GRSF1: variants seen among roughly 807,000 people sequenced by gnomAD.
GRSF1 encodes G-rich RNA sequence binding factor 1.
Under a neutral mutation model 51.1 loss-of-function variants are expected in GRSF1, and 50 were observed. The ratio of observed to expected loss-of-function variants is 0.98; its 90% CI spans 0.78 to 1.24. GRSF1 has a LOEUF of 1.24. Ranked by LOEUF, GRSF1 falls within the 50% of genes most tolerant of loss-of-function variation. The probability of loss-of-function intolerance (pLI) is 0.00; values close to 1 mark genes in which losing one functional copy is unlikely to be tolerated. For missense variants in GRSF1, 700 were observed against 639.7 expected, an observed-to-expected ratio of 1.09 and a Z score of -1.02; for synonymous variants, 293 against 253.3, an observed-to-expected ratio of 1.16 and a Z score of -1.49.
In GRSF1 at chr4:70,825,371, T is replaced by C. The variant is rs964674991; in HGVS notation, c.1318A>G (p.Thr440Ala). Reference sequence around the variant, plus strand: ...TCAAAGTGCACATCAGCTTCTCCAGTGGCCTTCCCACTGGAGCTGTATTCC... The same window carrying C: ...TCAAAGTGCACATCAGCTTCTCCAGCGGCCTTCCCACTGGAGCTGTATTCC... The part of the protein sequence containing the change: ...TMEYSSSGKA[T>A]GEADVHFETH... Residue 440 changes from threonine to alanine, a missense_variant, in exon 8 of 10, where the codon ACT (threonine) becomes GCT (alanine). Physicochemically the swap from Thr to Ala is moderately conservative, Grantham distance 58. Coordinates refer to ENST00000254799, the MANE Select transcript of GRSF1 (RefSeq NM_002092.4). 1.2e-6 allele frequency: 2 copies of C among 1,612,024 alleles called. No individual in the cohort carries two copies. Among genetic ancestry groups the C allele is most frequent in the Admixed American group, 1.7e-5 (1 of 59,948 alleles).
In GRSF1 at chr4:70,819,374, ACTG is replaced by A. The variant is rs1282055619; in HGVS notation, c.*1510_*1512del. 1 of 152,170 alleles carries A rather than the reference ACTG, an allele frequency of 6.6e-6. No homozygotes were observed. The highest frequency in any genetic ancestry group is 1.5e-5 in the Non-Finnish European group (1 of 68,022). 9.4% of individuals were successfully genotyped at this position (152,170 alleles called of 1,614,324 possible). ...AACGCATTTCCATCTAGGCAGTACT[ACTG>A]ATGATGTTAAGCTGGTTAAGTCATG... On this transcript the variant is annotated 3_prime_UTR_variant, in exon 10 of 10. Coordinates refer to ENST00000254799, the MANE Select transcript of GRSF1 (RefSeq NM_002092.4).
chr4:70,836,660 G>A lies in GRSF1; in HGVS notation c.358-346C>T, dbSNP rs116508933. ...ATTGCCCCTACACACAGTGTTTGCC[G>A]CCCTCATCTGAAATAGCTATCTAGA... On this transcript the variant is annotated intron_variant, in intron 1 of 9. Coordinates refer to ENST00000254799, the MANE Select transcript of GRSF1 (RefSeq NM_002092.4). Among the ~76,000 whole-genome samples the A allele has an allele frequency of 8.2e-3, 1,242 of 152,128 alleles. 16 individuals carry two copies. Among genetic ancestry groups the A allele is most frequent in the African/African-American group, 0.028 (1,180 of 41,490 alleles).
chr4:70,836,494 T>C (rs1734214483), intron 1 of GRSF1, among the ~76,000 whole-genome samples, 180 bp from the exon 2 acceptor site: 1 of 152,234 alleles, frequency 6.6e-6, no homozygotes. Flanking sequence ...CCAAAAGCCA[T>C]AAGCAGGTAT....
At chr4:70,838,791 T>A (rs2148848727) in intron 1 of GRSF1, 1 of 187,096 alleles carries the variant, frequency 5.3e-6, no homozygotes, top group East Asian at 1.8e-4. Flanking sequence ...CAACGCTCCC[T>A]CCCATTCACC....
chr4:70,818,983 G>T lies in GRSF1; in HGVS notation c.*1904C>A, dbSNP rs1030715249. ...TACATCCACCTTAGCAATCACTTAC[G>T]TACTAGCCTAGATCATGAACAAAAA... On this transcript the variant is annotated 3_prime_UTR_variant, in exon 10 of 10. Coordinates refer to ENST00000254799, the MANE Select transcript of GRSF1 (RefSeq NM_002092.4). 6.6e-6 allele frequency: 1 copy of T among 151,840 alleles called. No individual in the cohort carries two copies. The highest frequency in any genetic ancestry group is 1.5e-5 in the Non-Finnish European group (1 of 67,988). 9.4% of individuals were successfully genotyped at this position (151,840 alleles called of 1,614,324 possible).
Position 70,824,336 on chromosome 4 carries a change from A to G in GRSF1, c.1426T>C (p.Cys476Arg), listed in dbSNP as rs1733647550. Reference protein sequence around the residue: ...HRYIELFLNSCPKGK With the variant: ...HRYIELFLNSRPKGK ...CTAGAGTCTTATTTTCCTTTTGGAC[A>G]TGAATTCAGGAACAGTTCAATATAC... The change falls in exon 9 of 10, where the codon TGT becomes CGT. Residue 476 changes from cysteine (C) to arginine (R), a missense_variant. Coordinates refer to ENST00000254799, the MANE Select transcript of GRSF1 (RefSeq NM_002092.4). The G allele has an allele frequency of 1.4e-6, 2 of 1,451,294 alleles. No homozygotes were observed. The highest frequency in any genetic ancestry group is 1.9e-6 in the Non-Finnish European group (2 of 1,042,580). 89.9% of individuals were successfully genotyped at this position (1,451,294 alleles called of 1,614,324 possible). A position where few individuals can be genotyped will look rare whatever the true frequency, so the allele number is the denominator to read the frequency against.
intron 9 of GRSF1, among the ~76,000 whole-genome samples, chr4:70,821,200 G>C (rs1383827886): frequency 2.0e-5 from 3 of 152,306 alleles, no homozygotes; most frequent in African/African-American, 4.8e-5. Context: ...GTTGAGGCGG[G>C]CAGATCAGCT....
chr4:70,816,069 C>T lies in GRSF1; in HGVS notation c.*4818G>A, dbSNP rs1733297242. 1 of 152,178 alleles carries T rather than the reference C, an allele frequency of 6.6e-6. No homozygotes were observed. 9.4% of individuals were successfully genotyped at this position (152,178 alleles called of 1,614,324 possible). The stretch of plus-strand genomic sequence containing the variant: ...TGAACAAAATCCTAACAGTAGCTGA[C>T]TGCCAGGGGAGGGAAGAAGGGACAG... On this transcript the variant is annotated 3_prime_UTR_variant, in exon 10 of 10. Transcript: ENST00000254799.
In GRSF1 at chr4:70,839,501, C is replaced by G. The variant is rs999504084; in HGVS notation, c.327G>C (p.Ala109=). The G allele has an allele frequency of 2.1e-6, 3 of 1,421,032 alleles. No homozygotes were observed. The African/African-American group carries it at 4.6e-5, about 22-fold the overall frequency. The allele number at this position is 1,421,032 out of a possible 1,614,324, so 88.0% of individuals were successfully genotyped here. ...ASLLPQSLAA[A]AAVPTRSYSQ... Reference sequence around the variant, plus strand: ...TGTAGCTGCGCGTCGGGACGGCGGCCGCCGCCGCCAGCGACTGCGGCAGCA... The same window carrying G: ...TGTAGCTGCGCGTCGGGACGGCGGCGGCCGCCGCCAGCGACTGCGGCAGCA... The change falls in exon 1 of 10, where the codon GCG becomes GCC. Residue 109 remains alanine, a synonymous_variant. Coordinates refer to ENST00000254799, the MANE Select transcript of GRSF1 (RefSeq NM_002092.4).
chr4:70,840,106 G>A (rs1734413667), upstream of GRSF1, among the ~76,000 whole-genome samples: 1 of 80,100 alleles, frequency 1.2e-5, no homozygotes, highest in South Asian at 5.9e-4. Flanking sequence ...TTTGGGCGGG[G>A]CTGCCCATGG....
chr4:70,824,474 C>A, intron 8 of GRSF1, 106 bp from the exon 9 acceptor site: 1 of 645,720 alleles, frequency 1.5e-6, no homozygotes. Flanking sequence ...TTGCCCTTTC[C>A]TTTCCCTAAT....
chr4:70,842,897 G>A (rs572537718), upstream of GRSF1, among the ~76,000 whole-genome samples: 43 of 152,096 alleles, frequency 2.8e-4, no homozygotes, highest in Non-Finnish European at 2.2e-4. Flanking sequence ...TTAGCTGGGC[G>A]TGGTGACACC....
chr4:70,828,736 A>ATTT (rs35686810), intron 5 of GRSF1, among the ~76,000 whole-genome samples: 6 of 133,306 alleles, frequency 4.5e-5, no homozygotes, highest in Admixed American at 7.7e-5. Context: ...CACACTGCTA[A>ATTT]TTTTTTTTTT....
intron 2 of GRSF1, among the ~76,000 whole-genome samples, chr4:70,834,469 T>C (rs1734114128): frequency 6.6e-6 from 1 of 152,200 alleles, no homozygotes; most frequent in Non-Finnish European, 1.5e-5. Context: ...TATATATTAA[T>C]ACCACAGAGA....
Position 70,832,331 on chromosome 4 carries a change from T to C in GRSF1, c.790A>G (p.Lys264Glu), listed in dbSNP as rs770687733. The C allele has an allele frequency of 6.2e-7, 1 of 1,613,600 alleles. No individual in the cohort carries two copies. The highest frequency in any genetic ancestry group is 1.1e-5 in the South Asian group (1 of 91,064). ...LRGLPYSCNE[K>E]DIVDFFAGLN... is the part of the protein sequence containing the mutation. The stretch of plus-strand genomic sequence containing the variant: ...CCTGCAAAGAAGTCTACAATGTCTT[T>C]CTCATTGCAACTATAAGGAAGTCCT... Residue 264 changes from lysine to glutamate, a missense_variant, in exon 4 of 10, where the codon AAA becomes GAA. Lys to Glu is a moderately conservative substitution (Grantham distance 56). Transcript: ENST00000254799.
chr4:70,829,252 CA>C (rs1464982353), intron 5 of GRSF1, among the ~76,000 whole-genome samples: 2 of 151,488 alleles, frequency 1.3e-5, no homozygotes, highest in Non-Finnish European at 2.9e-5. Flanking sequence ...CTTGTGTTTA[CA>C]AATCTATAAA....
chr4:70,839,349 G>A (rs1238080447), intron 1 of GRSF1, 122 bp downstream of exon 1: 1 of 1,505,024 alleles, frequency 6.6e-7, no homozygotes, highest in Non-Finnish European at 8.9e-7. Flanking sequence ...CGGGTGTGCG[G>A]CGAGTGTCGC....
chr4:70,818,547 C>T lies in GRSF1; in HGVS notation c.*2340G>A, dbSNP rs147136403. ...ACATGACAGAAGCTTAAGTTACCCACGCATAAAGGGACACATACTCTATTT... is the reference window on the plus strand; with the variant it reads ...ACATGACAGAAGCTTAAGTTACCCATGCATAAAGGGACACATACTCTATTT... On this transcript the variant is annotated 3_prime_UTR_variant, in exon 10 of 10. Transcript: ENST00000254799. 5 of 152,298 alleles carry T rather than the reference C, an allele frequency of 3.3e-5. No individual in the cohort carries two copies. Among genetic ancestry groups the T allele is most frequent in the Non-Finnish European group, 7.3e-5 (5 of 68,028 alleles). 9.4% of individuals were successfully genotyped at this position (152,298 alleles called of 1,614,324 possible).
At position 70,833,211 on chromosome 4, in the gene GRSF1, T is replaced by G; in HGVS notation, c.577A>C (p.Arg193=). 1.2e-6 allele frequency: 2 copies of G among 1,613,874 alleles called. No individual in the cohort carries two copies. Among genetic ancestry groups the G allele is most frequent in the Non-Finnish European group, 1.7e-6 (2 of 1,179,758 alleles). Residue 193 remains arginine, a synonymous_variant, in exon 3 of 10, where the codon AGG becomes CGG. Transcript: ENST00000254799. ...TCCATTTCAATTAAGGCATCACCCC[T>G]TCGTTTCCCATCTCTGTTTAGGAGA... The part of the protein sequence containing the change: ...HFLLNRDGKR[R]GDALIEMESE...
Sources: gnomAD v4.1 joint callset for allele counts (sites outside exome capture counted in the v4.1 genomes callset) on GRCh38, gnomAD v4.1.1 for gene constraint, MANE v1.5 for transcripts, NCBI Gene and HGNC (gene_info 2026-07-23, HGNC 2026-07-21) for gene names.